Variants in TTC34 observed in about 807,000 individuals in gnomAD.
The protein encoded by TTC34 is tetratricopeptide repeat domain 34.
In TTC34, 44 loss-of-function variants were observed where a neutral mutation model predicts 40.7. The ratio of observed to expected loss-of-function variants is 1.08; its 90% CI spans 0.85 to 1.39. The LOEUF is 1.39. Among genes scored for constraint, TTC34 ranks in the 40% most tolerant of loss-of-function variants. The pLI is 0.00. For missense variants in TTC34, 884 were observed against 838.0 expected (o/e 1.05, Z -0.68); for synonymous variants, 422 against 398.6 (o/e 1.06, Z -0.70).
At chr1:2,641,787 G>C in exon 9 of TTC34, 1 of 1,535,176 alleles carries the variant, frequency 6.5e-7, no homozygotes. Flanking sequence ...GCCCGCAGAC[G>C]CAGGTGACAG....
At chr1:2,688,020 T>C (rs555626510) in intron 6 of TTC34, among the ~76,000 whole-genome samples, 8 of 130,386 alleles carry the variant, frequency 6.1e-5, no homozygotes, top group African/African-American at 2.6e-4. Context: ...CAGGCGAGCA[T>C]CTGACTGCAT....
chr1:2,641,760 A>C, exon 9 of TTC34: 3 of 1,535,384 alleles, frequency 2.0e-6, no homozygotes, highest in Non-Finnish European at 2.6e-6. Context: ...AACTCCTGCA[A>C]CTCGGCCAGG....
intron 6 of TTC34, among the ~76,000 whole-genome samples, chr1:2,685,852 T>C (rs796984300): frequency 0.14 from 3,347 of 23,960 alleles, 8 homozygotes; most frequent in African/African-American, 0.23. Flanking sequence ...CAGGTGAGCC[T>C]CTGACAGCCT....
At chr1:2,801,381 G>A (rs1420792327) in intron 1 of TTC34, among the ~76,000 whole-genome samples, 196 bp downstream of exon 1, 1 of 152,084 alleles carries the variant, frequency 6.6e-6, no homozygotes, top group Non-Finnish European at 1.5e-5. Context: ...AGGCCCTTGG[G>A]TCGGGGGAGC....
intron 6 of TTC34, among the ~76,000 whole-genome samples, chr1:2,771,483 C>A (rs1326486871): frequency 1.2e-5 from 1 of 81,580 alleles, no homozygotes; most frequent in Non-Finnish European, 2.2e-5. Context: ...AGCATCCACA[C>A]CCCCAGGCGA....
intron 6 of TTC34, among the ~76,000 whole-genome samples, chr1:2,654,215 G>C (rs1388698144): frequency 6.6e-6 from 1 of 151,226 alleles, no homozygotes; most frequent in Admixed American, 6.6e-5. Context: ...CACACACCCA[G>C]GTGAGCATCT....
At chr1:2,767,948 G>T (rs940784914) in intron 6 of TTC34, among the ~76,000 whole-genome samples, 1 of 148,944 alleles carries the variant, frequency 6.7e-6, no homozygotes, top group African/African-American at 2.5e-5. Context: ...GGCATCCGAT[G>T]GCATGGAACA....
At chr1:2,641,122 T>G (rs568745789) in exon 9 of TTC34, 1 of 157,764 alleles carries the variant, frequency 6.3e-6, no homozygotes, top group Non-Finnish European at 1.0e-5. Flanking sequence ...TGGGGAGGGC[T>G]GGGAAGGGGG....
At chr1:2,759,432 C>A (rs1344671065) in intron 6 of TTC34, among the ~76,000 whole-genome samples, 1 of 98,124 alleles carries the variant, frequency 1.0e-5, no homozygotes, top group Non-Finnish European at 2.0e-5. Flanking sequence ...GGATCAGCAC[C>A]CACACTCCCA....
chr1:2,682,296 GCAGCGCCCA>G (rs1557605239), intron 6 of TTC34, among the ~76,000 whole-genome samples: 2 of 123,422 alleles, frequency 1.6e-5, no homozygotes, highest in Non-Finnish European at 3.5e-5. Context: ...AGAGTCTGGA[GCAGCGCCCA>G]CAGCCCCACG....
chr1:2,787,644 G>A (rs769538595), exon 4 of TTC34: 34 of 1,549,826 alleles, frequency 2.2e-5, no homozygotes, highest in Non-Finnish European at 3.0e-5. Context: ...GAGGCGAGAG[G>A]CCTCGTCCTC....
chr1:2,648,359 A>G (rs1363484211), intron 6 of TTC34, among the ~76,000 whole-genome samples: 1 of 152,174 alleles, frequency 6.6e-6, no homozygotes, highest in African/African-American at 2.4e-5. Flanking sequence ...GTACTTTGCT[A>G]GGGGAGGATT....
rs1284150484 is a variant in TTC34, at chr1:2,767,659, C to G, written c.2226+15950G>C. On this transcript the variant is annotated intron_variant, in intron 6 of 8. Transcript: ENST00000401095. The stretch of plus-strand genomic sequence containing the variant: ...ACATCCTCACATCCAGGTGAGCATC[C>G]GACAGCGTGGAACAGAATTCTCCAA... Among the ~76,000 whole-genome samples, 2 of 103,272 alleles carry G rather than the reference C, an allele frequency of 1.9e-5. 1 individual carries two copies. Among genetic ancestry groups the G allele is most frequent in the Non-Finnish European group, 3.8e-5 (2 of 52,548 alleles). 67.8% of individuals were successfully genotyped at this position (103,272 alleles called of 152,430 possible).
chr1:2,656,076 T>C (rs1334628186), intron 6 of TTC34, among the ~76,000 whole-genome samples: 68 of 141,660 alleles, frequency 4.8e-4, no homozygotes, highest in African/African-American at 1.1e-3. Flanking sequence ...CATCTGATGG[T>C]CTGGAGCAGC....
At chr1:2,777,700 C>T (rs1258078474) in intron 6 of TTC34, among the ~76,000 whole-genome samples, 1 of 131,700 alleles carries the variant, frequency 7.6e-6, no homozygotes, top group Non-Finnish European at 1.6e-5. Flanking sequence ...GGGGGGGGGG[C>T]GCAGCATCAG....
chr1:2,785,954 C>T lies in TTC34; in HGVS notation c.1924G>A (p.Glu642Lys), dbSNP rs577501461. The change falls in exon 5 of 9, where the codon GAG becomes AAG. Residue 642 changes from glutamate to lysine, a missense_variant. Coordinates refer to ENST00000401095, the Ensembl canonical transcript of TTC34. ...TGGCCTTGAAGCAGCTGCCGGTCCT[C>T]GTGGCAGAAGACGTCCAGGGTGGGC... The T allele has an allele frequency of 1.3e-5, 20 of 1,520,134 alleles. No homozygotes were observed. The highest frequency in any genetic ancestry group is 3.4e-4 in the Middle Eastern group (2 of 5,882). The allele number at this position is 1,520,134 out of a possible 1,614,324, so 94.2% of individuals were successfully genotyped here. A position where few individuals can be genotyped will look rare whatever the true frequency, so the allele number is the denominator to read the frequency against.
chr1:2,652,400 G>A (rs28514305), intron 6 of TTC34, among the ~76,000 whole-genome samples: 10 of 19,322 alleles, frequency 5.2e-4, no homozygotes, highest in East Asian at 1.6e-3. Context: ...GGAGCAGCAC[G>A]CACACCCCCA....
At chr1:2,772,789 C>G (rs866243659) in intron 6 of TTC34, among the ~76,000 whole-genome samples, 11 of 56,932 alleles carry the variant, frequency 1.9e-4, no homozygotes, top group South Asian at 2.3e-3. Flanking sequence ...AGGTGAGCAT[C>G]TGACATCCTG....
At chr1:2,784,616 C>T (rs1173896947) in intron 5 of TTC34, among the ~76,000 whole-genome samples, 1 of 152,208 alleles carries the variant, frequency 6.6e-6, no homozygotes, top group Non-Finnish European at 1.5e-5. Context: ...GCGGGTGTGA[C>T]AGAGGGCTCA....
Sources: gnomAD v4.1 joint callset for allele counts (sites outside exome capture counted in the v4.1 genomes callset) on GRCh38, gnomAD v4.1.1 for gene constraint, MANE v1.5 for transcripts, NCBI Gene and HGNC (gene_info 2026-07-23, HGNC 2026-07-21) for gene names.